The following NRG3 variants were observed in gnomAD, a reference collection of about 807,000 sequenced individuals.
NRG3 encodes neuregulin 3, also known as pro-neuregulin-3, membrane-bound isoform.
Under a neutral mutation model 66.9 loss-of-function variants are expected in NRG3, and 31 were observed. The observed-to-expected ratio is 0.46, with a 90% CI of 0.35 to 0.63. The LOEUF (loss-of-function observed/expected upper bound fraction) is 0.63. Among genes scored for constraint, NRG3 ranks in the 20% least tolerant of loss-of-function variants. The probability of loss-of-function intolerance (pLI) is 0.00; values close to 1 mark genes in which losing one functional copy is unlikely to be tolerated. For missense variants in NRG3, 910 were observed against 878.9 expected (o/e 1.04, Z -0.45); for synonymous variants, 393 against 359.4 (o/e 1.09, Z -1.06).
intron 1 of NRG3, among the ~76,000 whole-genome samples, chr10:82,342,323 T>TAGTTC (rs2082726527): frequency 2.0e-5 from 3 of 152,102 alleles, no homozygotes; most frequent in Admixed American, 2.0e-4. Flanking sequence ...GTTCTATTTT[T>TAGTTC]AGTTCTTGGA....
chr10:82,484,897 G>C (rs916867165), intron 2 of NRG3, among the ~76,000 whole-genome samples: 3 of 152,180 alleles, frequency 2.0e-5, no homozygotes, highest in Admixed American at 1.3e-4. Context: ...GTATGCAAGA[G>C]TGATGTATGT....
chr10:82,963,142 G>A (rs556340686), intron 6 of NRG3, among the ~76,000 whole-genome samples: 2 of 152,236 alleles, frequency 1.3e-5, no homozygotes, highest in African/African-American at 2.4e-5. Context: ...ATTTGACTAG[G>A]GGAATCTCAA....
intron 1 of NRG3, among the ~76,000 whole-genome samples, chr10:82,061,308 G>A (rs1027702286): frequency 5.3e-5 from 8 of 152,220 alleles, no homozygotes; most frequent in Non-Finnish European, 1.0e-4. Flanking sequence ...CCAAGACTGC[G>A]CCACTGCTCT....
intron 1 of NRG3, among the ~76,000 whole-genome samples, chr10:81,970,770 G>A (rs1384387911): frequency 6.6e-6 from 1 of 152,112 alleles, no homozygotes; most frequent in Non-Finnish European, 1.5e-5. Flanking sequence ...TCTATCCAGG[G>A]GAGATTTAGG....
chr10:82,182,722 G>A (rs1384282897), intron 1 of NRG3, among the ~76,000 whole-genome samples: 1 of 151,824 alleles, frequency 6.6e-6, no homozygotes, highest in Non-Finnish European at 1.5e-5. Flanking sequence ...ATCTTTACCA[G>A]TGAACTTTAT....
At chr10:82,211,390 A>C (rs868361623) in intron 1 of NRG3, among the ~76,000 whole-genome samples, 82 of 152,192 alleles carry the variant, frequency 5.4e-4, no homozygotes, top group Admixed American at 3.9e-3. Context: ...AAATACAGGA[A>C]GCTTAGAATG....
chr10:82,288,384 G>A (rs2079538836), intron 1 of NRG3, among the ~76,000 whole-genome samples: 3 of 152,244 alleles, frequency 2.0e-5, no homozygotes, highest in Admixed American at 2.0e-4. Context: ...AAATGGGAAG[G>A]GCGCAAAGCT....
At chr10:82,247,779 A>G (rs1300783731) in intron 1 of NRG3, among the ~76,000 whole-genome samples, 1 of 152,194 alleles carries the variant, frequency 6.6e-6, no homozygotes, top group Non-Finnish European at 1.5e-5. Flanking sequence ...TATTTCTAGT[A>G]ATTTATAATG....
Position 82,094,708 on chromosome 10 carries a change from C to T in NRG3, c.823+218545C>T, listed in dbSNP as rs554530182. ...GTATGTATATATTCAGCCATTAAAA[C>T]AGGGTGAAATCATGTTTCTTGCAGC... is the stretch of plus-strand genomic sequence containing the variant. On this transcript the variant is annotated intron_variant, in intron 1 of 8. Coordinates refer to ENST00000372141, the MANE Select transcript of NRG3 (RefSeq NM_001010848.4). 2.4e-4 allele frequency among the ~76,000 whole-genome samples: 36 copies of T among 152,148 alleles called. No homozygotes were observed. The South Asian group carries it at 7.3e-3, about 31-fold the overall frequency.
intron 2 of NRG3, among the ~76,000 whole-genome samples, chr10:82,458,419 T>A (rs1458675237): frequency 2.6e-5 from 4 of 152,148 alleles, no homozygotes; most frequent in Non-Finnish European, 5.9e-5. Context: ...ATGAACTCCA[T>A]CCTGAGGAAC....
At chr10:82,086,116 C>T (rs1296533618) in intron 1 of NRG3, among the ~76,000 whole-genome samples, 1 of 151,002 alleles carries the variant, frequency 6.6e-6, no homozygotes, top group African/African-American at 2.4e-5. Context: ...TATGGAATCA[C>T]AAAAAAAAAT....
At chr10:81,974,322 G>GA (rs2060038556) in intron 1 of NRG3, among the ~76,000 whole-genome samples, 1 of 151,490 alleles carries the variant, frequency 6.6e-6, no homozygotes, top group South Asian at 2.1e-4. Context: ...AACAACCAGA[G>GA]AAAAAAAAGA....
chr10:82,373,166 A>G (rs1332288965), intron 2 of NRG3, among the ~76,000 whole-genome samples: 1 of 152,254 alleles, frequency 6.6e-6, no homozygotes, highest in Non-Finnish European at 1.5e-5. Flanking sequence ...AGGTTACCAT[A>G]TTGGCACATA....
chr10:82,835,194 G>T (rs1313004959), intron 3 of NRG3, among the ~76,000 whole-genome samples: 1 of 152,098 alleles, frequency 6.6e-6, no homozygotes, highest in Admixed American at 6.6e-5. Context: ...ATAAAAGGTT[G>T]TGTGAAAATG....
intron 1 of NRG3, among the ~76,000 whole-genome samples, chr10:82,284,284 G>A (rs1041113919): frequency 1.3e-5 from 2 of 152,134 alleles, no homozygotes; most frequent in African/African-American, 4.8e-5. Context: ...ATTTCATACC[G>A]CAGACGCCAT....
chr10:82,910,641 A>G (rs1486654341), intron 4 of NRG3, among the ~76,000 whole-genome samples: 1 of 152,242 alleles, frequency 6.6e-6, no homozygotes, highest in African/African-American at 2.4e-5. Context: ...TTATTCCTTA[A>G]CAACCGTTCT....
chr10:82,404,294 G>T (rs992437112), intron 2 of NRG3, among the ~76,000 whole-genome samples: 1 of 152,084 alleles, frequency 6.6e-6, no homozygotes, highest in South Asian at 2.1e-4. Flanking sequence ...AGGGTAGCAC[G>T]GTACTGTGCC....
intron 4 of NRG3, among the ~76,000 whole-genome samples, chr10:82,891,345 T>G (rs189705017): frequency 6.6e-6 from 1 of 151,980 alleles, no homozygotes; most frequent in African/African-American, 2.4e-5. Flanking sequence ...CAATACAAAT[T>G]TATAGTTTGA....
At chr10:82,616,521 T>C (rs2048660394) in intron 2 of NRG3, among the ~76,000 whole-genome samples, 1 of 152,192 alleles carries the variant, frequency 6.6e-6, no homozygotes, top group Non-Finnish European at 1.5e-5. Context: ...TGAAATCTGA[T>C]CTCACACTGA....
Sources: allele counts gnomAD v4.1 joint callset (sites outside exome capture counted in the v4.1 genomes callset), GRCh38; gene constraint gnomAD v4.1.1; transcripts MANE v1.5; gene names NCBI Gene and HGNC (gene_info 2026-07-23, HGNC 2026-07-21).